The following BCL2L11 variants were observed in gnomAD, a reference collection of about 807,000 sequenced individuals.
BCL2L11 encodes the protein BCL2 like 11, also known as bcl-2-like protein 11.
A neutral mutation model predicts 20.6 loss-of-function variants in BCL2L11; 15 were observed. The ratio of observed to expected loss-of-function variants is 0.73; its 90% confidence interval spans 0.49 to 1.12. The LOEUF (loss-of-function observed/expected upper bound fraction) is 1.12. Among genes scored for constraint, BCL2L11 ranks in the 50% most tolerant of loss-of-function variants. The probability of loss-of-function intolerance (pLI) is 0.00; values close to 1 mark genes in which losing one functional copy is unlikely to be tolerated. For synonymous variants in BCL2L11, 108 were observed against 92.8 expected (o/e 1.16, Z -0.94); for missense variants, 292 against 260.9 (o/e 1.12, Z -0.82).
At chr2:111,152,165 C>A (rs17041883) in intron 3 of BCL2L11, among the ~76,000 whole-genome samples, 17,581 of 152,206 alleles carry the variant, frequency 0.12, 1,166 homozygotes, top group East Asian at 0.26. Context: ...CAGGACAGAT[C>A]ATTTCTGATG....
chr2:111,139,939 T>C (rs930770968), intron 2 of BCL2L11, among the ~76,000 whole-genome samples: 1 of 152,250 alleles, frequency 6.6e-6, no homozygotes, highest in African/African-American at 2.4e-5. Flanking sequence ...TGCCTTTCTG[T>C]GTGGACCACG....
intron 2 of BCL2L11, 54 bp from the exon 3 acceptor site, chr2:111,149,990 C>T: frequency 6.6e-7 from 1 of 1,510,836 alleles, no homozygotes. Flanking sequence ...TTGGAACTTT[C>T]CCAGTGATCT....
chr2:111,131,113 T>G (rs2073865044), intron 2 of BCL2L11, among the ~76,000 whole-genome samples: 1 of 151,934 alleles, frequency 6.6e-6, no homozygotes, highest in African/African-American at 2.4e-5. Context: ...GGGTTCCCTC[T>G]TTTATTTTCA....
chr2:111,148,930 AAAG>A (rs1478941430), intron 2 of BCL2L11, among the ~76,000 whole-genome samples: 13 of 152,244 alleles, frequency 8.5e-5, no homozygotes, highest in Non-Finnish European at 1.3e-4. Flanking sequence ...TTACAAAAAT[AAAG>A]ACAGGAAGTT....
At chr2:111,150,444 A>G (rs554780999) in intron 3 of BCL2L11, among the ~76,000 whole-genome samples, 10 of 152,396 alleles carry the variant, frequency 6.6e-5, no homozygotes, top group African/African-American at 1.7e-4. Flanking sequence ...TAGAAATACT[A>G]TTAACATAGG....
chr2:111,151,747 G>C, intron 3 of BCL2L11: 1 of 1,202,006 alleles, frequency 8.3e-7, no homozygotes, highest in Non-Finnish European at 1.2e-6. Flanking sequence ...GGAGAGTGCT[G>C]TAGTAATGAT....
chr2:111,162,356 CAG>C (rs2078666594), intron 3 of BCL2L11, among the ~76,000 whole-genome samples: 1 of 152,218 alleles, frequency 6.6e-6, no homozygotes, highest in Non-Finnish European at 1.5e-5. Context: ...TCTCATGAGT[CAG>C]GGATTGGGTG....
At chr2:111,134,749 T>C (rs1252770774) in intron 2 of BCL2L11, among the ~76,000 whole-genome samples, 1 of 152,222 alleles carries the variant, frequency 6.6e-6, no homozygotes, top group Non-Finnish European at 1.5e-5. Context: ...ATGTCTTTAT[T>C]TCCCCTTCAG....
intron 2 of BCL2L11, among the ~76,000 whole-genome samples, chr2:111,147,848 A>G (rs1439761846): frequency 6.6e-6 from 1 of 152,234 alleles, no homozygotes; most frequent in Non-Finnish European, 1.5e-5. Flanking sequence ...TCCTTGTCCC[A>G]AAGAAATTTA....
At chr2:111,150,416 A>C in intron 3 of BCL2L11, 1 of 505,240 alleles carries the variant, frequency 2.0e-6, no homozygotes, top group African/African-American at 2.0e-5. Flanking sequence ...GGGATTATTT[A>C]TAGACTTTGA....
At chr2:111,149,277 G>C (rs542259662) in intron 2 of BCL2L11, among the ~76,000 whole-genome samples, 1 of 152,302 alleles carries the variant, frequency 6.6e-6, no homozygotes, top group Non-Finnish European at 1.5e-5. Context: ...TTAGTAAACA[G>C]ATGAATGTAC....
At chr2:111,153,717 G>A in intron 3 of BCL2L11, 2 of 1,544,948 alleles carry the variant, frequency 1.3e-6, no homozygotes, top group Non-Finnish European at 1.8e-6. Context: ...CTTGTCTAAA[G>A]TGTTAGTCTT....
intron 2 of BCL2L11, chr2:111,128,632 A>G: frequency 6.7e-7 from 1 of 1,496,932 alleles, no homozygotes; most frequent in Non-Finnish European, 8.8e-7. Flanking sequence ...AACAGTAGTC[A>G]TCCTAGAGGA....
At chr2:111,160,989 T>A (rs1347860838) in intron 3 of BCL2L11, among the ~76,000 whole-genome samples, 2 of 152,164 alleles carry the variant, frequency 1.3e-5, no homozygotes, top group Admixed American at 1.3e-4. Flanking sequence ...AGGCTGGAAG[T>A]CTGTGATCAT....
At chr2:111,135,728 CCT>C (rs2074758855) in intron 2 of BCL2L11, among the ~76,000 whole-genome samples, 1 of 152,142 alleles carries the variant, frequency 6.6e-6, no homozygotes, top group South Asian at 2.1e-4. Flanking sequence ...GCCCATGAAC[CCT>C]GTTTTGCACT....
rs375532454 is a variant in BCL2L11, at chr2:111,124,029, G to A, written c.284G>A (p.Gly95Glu). Residue 95 changes from glycine (G) to glutamate (E), a missense_variant, in exon 2 of 4, where the codon GGG (glycine) becomes GAG (glutamate). Coordinates refer to ENST00000393256, the MANE Select transcript of BCL2L11 (RefSeq NM_138621.5). ...RSSLLSRSSS[G>E]YFSFDTDRSP... ...TCCCTGCTGTCTCGATCCTCCAGTG[G>A]GTATTTCTCTTTTGACACAGACAGG... 8 of 1,614,028 alleles carry A rather than the reference G, an allele frequency of 5.0e-6. No homozygotes were observed. The highest frequency in any genetic ancestry group is 6.8e-6 in the Non-Finnish European group (8 of 1,180,034).
At chr2:111,146,241 C>T (rs1239583023) in intron 2 of BCL2L11, 5 of 982,058 alleles carry the variant, frequency 5.1e-6, no homozygotes, top group Non-Finnish European at 6.0e-6. Flanking sequence ...TTTGATCTCC[C>T]TACAGAGTAA....
intron 2 of BCL2L11, among the ~76,000 whole-genome samples, chr2:111,133,396 T>A (rs1256378669): frequency 1.3e-5 from 2 of 152,236 alleles, no homozygotes; most frequent in Admixed American, 1.3e-4. Context: ...ACTGCTTAGC[T>A]GCATCCCACG....
chr2:111,137,031 T>C (rs114585064), intron 2 of BCL2L11, among the ~76,000 whole-genome samples: 1,643 of 152,314 alleles, frequency 0.011, 36 homozygotes, highest in African/African-American at 0.037. Flanking sequence ...GCGTGCTCTG[T>C]GCTGCTTTCG....
Sources: allele counts gnomAD v4.1 joint callset (sites outside exome capture counted in the v4.1 genomes callset), GRCh38; gene constraint gnomAD v4.1.1; transcripts MANE v1.5; gene names NCBI Gene and HGNC (gene_info 2026-07-23, HGNC 2026-07-21).